The following CDK1 variants were observed in gnomAD, a reference collection of about 807,000 sequenced individuals.
CDK1 encodes cyclin dependent kinase 1.
In CDK1, 5 loss-of-function variants were observed where a neutral mutation model predicts 34.6. That is an observed-to-expected ratio of 0.14 (90% confidence interval 0.08 to 0.30). The LOEUF (loss-of-function observed/expected upper bound fraction) is 0.30. Among genes scored for constraint, CDK1 ranks in the 10% least tolerant of loss-of-function variants. The pLI, the probability that CDK1 is intolerant of heterozygous loss-of-function variation, is 1.00. For synonymous variants in CDK1, 108 were observed against 114.7 expected (o/e 0.94, Z 0.37); for missense variants, 157 against 345.7 (o/e 0.45, Z 4.33).
intron 5 of CDK1, among the ~76,000 whole-genome samples, chr10:60,789,888 C>CTT (rs2080347092): frequency 6.6e-6 from 1 of 152,118 alleles, no homozygotes; most frequent in Non-Finnish European, 1.5e-5. Flanking sequence ...AAAAGTTGCC[C>CTT]TTTCTCTGCA....
At chr10:60,779,153 T>A (rs1019618696) in intron 1 of CDK1, among the ~76,000 whole-genome samples, 3 of 151,366 alleles carry the variant, frequency 2.0e-5, no homozygotes, top group Non-Finnish European at 2.9e-5. Context: ...TTAACTCTCA[T>A]GAGCAGTGTA....
In CDK1 at chr10:60,784,694, C is replaced by T; in HGVS notation, c.38-11C>T. ...GGTGTGTCACACAGCATATTATTTA[C>T]TTTGTTTCAGGTACCTATGGAGTTG... is the stretch of plus-strand genomic sequence containing the variant. On this transcript the variant is annotated splice_polypyrimidine_tract_variant and intron_variant, in intron 2 of 7. Transcript: ENST00000395284. 2.5e-6 allele frequency: 4 copies of T among 1,597,346 alleles called. No individual in the cohort carries two copies. The highest frequency in any genetic ancestry group is 3.4e-6 in the Non-Finnish European group (4 of 1,167,750).
chr10:60,786,345 C>T, intron 4 of CDK1: 4 of 876,730 alleles, frequency 4.6e-6, no homozygotes, highest in Non-Finnish European at 5.5e-6. Flanking sequence ...TTTTTTTTTA[C>T]ACAAGGTGGA....
Position 60,782,098 on chromosome 10 carries a change from T to C in CDK1, c.37+1896T>C, listed in dbSNP as rs185695670. Among the ~76,000 whole-genome samples the C allele has an allele frequency of 8.6e-3, 1,309 of 152,354 alleles. 4 individuals are homozygous for C. Among genetic ancestry groups the C allele is most frequent in the Non-Finnish European group, 0.012 (844 of 68,016 alleles). ...TTTTCTTTTGGTTCTGCCAGGTATC[T>C]GGTTAAAGTCTAGTATTAAAATACT... On this transcript the variant is annotated intron_variant, in intron 2 of 7. Transcript: ENST00000395284.
intron 4 of CDK1, chr10:60,786,331 G>T (rs12220787): frequency 0.31 from 282,347 of 920,820 alleles, 44,087 homozygotes; most frequent in Middle Eastern, 0.34. Flanking sequence ...TGTATATAAA[G>T]ATTTTTTTTT....
intron 2 of CDK1, among the ~76,000 whole-genome samples, chr10:60,781,364 A>G (rs1589109596): frequency 6.6e-6 from 1 of 152,192 alleles, no homozygotes; most frequent in African/African-American, 2.4e-5. Context: ...AATCCATTAC[A>G]TACATGTAAG....
intron 3 of CDK1, among the ~76,000 whole-genome samples, chr10:60,785,240 A>G (rs1027777254): frequency 6.6e-6 from 1 of 152,170 alleles, no homozygotes; most frequent in African/African-American, 2.4e-5. Context: ...TTTTTTCCTT[A>G]AAGTATTTGC....
chr10:60,782,670 A>C (rs2080282835), intron 2 of CDK1, among the ~76,000 whole-genome samples: 1 of 152,102 alleles, frequency 6.6e-6, no homozygotes, highest in African/African-American at 2.4e-5. Context: ...ATCTTCCATT[A>C]GACTTAGACT....
At chr10:60,789,466 T>G (rs1257517324) in intron 5 of CDK1, among the ~76,000 whole-genome samples, 2 of 152,220 alleles carry the variant, frequency 1.3e-5, no homozygotes, top group Non-Finnish European at 2.9e-5. Flanking sequence ...CAAATATGAG[T>G]GAAAACATGT....
chr10:60,788,446 G>A (rs1407835228), intron 5 of CDK1, among the ~76,000 whole-genome samples: 1 of 152,086 alleles, frequency 6.6e-6, no homozygotes, highest in Non-Finnish European at 1.5e-5. Context: ...TGTTGTTAAG[G>A]TAGAGGGTAC....
rs1316529118 is a variant in CDK1, at chr10:60,782,947, A to G, written c.38-1758A>G. 3.3e-5 allele frequency among the ~76,000 whole-genome samples: 5 copies of G among 152,172 alleles called. No individual in the cohort carries two copies. In the East Asian group the frequency reaches 9.6e-4, roughly 29 times the overall value. On this transcript the variant is annotated intron_variant, in intron 2 of 7. Coordinates refer to ENST00000395284, the MANE Select transcript of CDK1 (RefSeq NM_001786.5). ...CACTGGTTAATTGTTAATTCTGAAAATTATTTAGGATTAGATGAGATTGTA... is the reference window on the plus strand; with the variant it reads ...CACTGGTTAATTGTTAATTCTGAAAGTTATTTAGGATTAGATGAGATTGTA...
Position 60,780,174 on chromosome 10 carries a change from T to C in CDK1, c.9T>C (p.Asp3=), listed in dbSNP as rs1401482013. The change falls in exon 2 of 8, where the codon GAT becomes GAC. Residue 3 remains aspartate (D), a synonymous_variant. Coordinates refer to ENST00000395284, the MANE Select transcript of CDK1 (RefSeq NM_001786.5). ME[D]YTKIEKIGEG... The stretch of plus-strand genomic sequence containing the variant: ...ATACCCATTGACTAACTATGGAAGA[T>C]TATACCAAAATAGAGAAAATTGGAG... The C allele has an allele frequency of 2.6e-6, 4 of 1,541,628 alleles. No individual in the cohort carries two copies. Among genetic ancestry groups the C allele is most frequent in the Non-Finnish European group, 2.7e-6 (3 of 1,114,516 alleles).
chr10:60,785,401 C>T (rs564612360), intron 3 of CDK1, among the ~76,000 whole-genome samples: 1 of 152,198 alleles, frequency 6.6e-6, no homozygotes, highest in East Asian at 1.9e-4. Flanking sequence ...AATAAGCTCT[C>T]AGCAATTAGT....
At chr10:60,780,346 TTAA>T (rs2080262450) in intron 2 of CDK1, 144 bp downstream of exon 2, 3 of 616,838 alleles carry the variant, frequency 4.9e-6, no homozygotes, top group Admixed American at 2.9e-5. Context: ...TGTTCTTTAC[TTAA>T]TAAACGCAAA....
chr10:60,779,003 AC>A (rs2080248757), intron 1 of CDK1, among the ~76,000 whole-genome samples: 3 of 152,084 alleles, frequency 2.0e-5, no homozygotes, highest in Admixed American at 1.3e-4. Context: ...GTGGGACCGC[AC>A]CTGGGCCAGG....
Position 60,794,030 on chromosome 10 carries a change from G to A in CDK1, c.*55G>A. The A allele has an allele frequency of 1.2e-6, 1 of 830,904 alleles. No homozygotes were observed. The highest frequency in any genetic ancestry group is 1.9e-6 in the Non-Finnish European group (1 of 521,270). The allele number at this position is 830,904 out of a possible 1,614,324, so 51.5% of individuals were successfully genotyped here. Reference sequence around the variant, plus strand: ...ATCAACAGATAGTTGTGTTTTTATTGTTAACTCTTGTCTATTTTTGTCTTA... The same window carrying A: ...ATCAACAGATAGTTGTGTTTTTATTATTAACTCTTGTCTATTTTTGTCTTA... On this transcript the variant is annotated 3_prime_UTR_variant, in exon 8 of 8. Transcript: ENST00000395284.
chr10:60,787,504 A>G (rs992856244), intron 4 of CDK1, among the ~76,000 whole-genome samples: 2 of 152,070 alleles, frequency 1.3e-5, no homozygotes, highest in Admixed American at 6.5e-5. Flanking sequence ...TGTTTTTGTA[A>G]TATCCATGCT....
chr10:60,782,399 A>G, intron 2 of CDK1, among the ~76,000 whole-genome samples: 1 of 152,204 alleles, frequency 6.6e-6, no homozygotes, highest in East Asian at 1.9e-4. Flanking sequence ...ACTATTTTAA[A>G]TATTACAAAA....
chr10:60,792,115 G>A, intron 6 of CDK1, 33 bp from the exon 7 acceptor site: 1 of 1,598,046 alleles, frequency 6.3e-7, no homozygotes. Context: ...TTACATTTAT[G>A]CTTTAAGAAA....
Sources: gnomAD v4.1 joint callset for allele counts (sites outside exome capture counted in the v4.1 genomes callset) on GRCh38, gnomAD v4.1.1 for gene constraint, MANE v1.5 for transcripts, NCBI Gene and HGNC (gene_info 2026-07-23, HGNC 2026-07-21) for gene names.